CNTN5: variants seen among roughly 807,000 people sequenced by gnomAD.
The protein encoded by CNTN5 is contactin 5.
In CNTN5, 77 loss-of-function variants were observed where a neutral mutation model predicts 129.1. The observed-to-expected ratio is 0.60, with a 90% CI of 0.50 to 0.72. The LOEUF is 0.72. Among genes scored for constraint, CNTN5 ranks in the 30% least tolerant of loss-of-function variants. The probability of loss-of-function intolerance (pLI) is 0.00; values close to 1 mark genes in which losing one functional copy is unlikely to be tolerated. For synonymous variants in CNTN5, 509 were observed against 465.6 expected (o/e 1.09, Z -1.20); for missense variants, 1,478 against 1,328.8 (o/e 1.11, Z -1.75).
chr11:100,339,910 T>C (rs2139011257), intron 21 of CNTN5, among the ~76,000 whole-genome samples: 1 of 152,308 alleles, frequency 6.6e-6, no homozygotes, highest in South Asian at 2.1e-4. Flanking sequence ...TGTTCCTTTC[T>C]GCCTCCCTCC....
intron 1 of CNTN5, among the ~76,000 whole-genome samples, chr11:99,034,867 G>A (rs1157805709): frequency 1.3e-5 from 2 of 149,950 alleles, no homozygotes; most frequent in Non-Finnish European, 2.9e-5. Context: ...ATGTTAGGGT[G>A]TCAGTTTTAG....
chr11:99,523,648 ATAGAACAGAACAGAT>A (rs778572227), intron 2 of CNTN5, among the ~76,000 whole-genome samples: 1,500 of 66,752 alleles, frequency 0.022, 11 homozygotes, highest in East Asian at 0.053. Flanking sequence ...ATAGAATAGA[ATAGAACAGAACAGAT>A]CAGAACAGAA....
At chr11:99,577,742 T>G (rs1949405768) in intron 3 of CNTN5, among the ~76,000 whole-genome samples, 1 of 152,068 alleles carries the variant, frequency 6.6e-6, no homozygotes, top group Admixed American at 6.6e-5. Context: ...AGTTCTTTAG[T>G]TATTGCTTCT....
At chr11:100,216,704 G>A (rs1250666831) in intron 15 of CNTN5, among the ~76,000 whole-genome samples, 4 of 152,110 alleles carry the variant, frequency 2.6e-5, no homozygotes, top group Non-Finnish European at 4.4e-5. Context: ...AGATGCGGTT[G>A]ATGAAAACAG....
chr11:99,858,945 C>G (rs1948125062), intron 6 of CNTN5, among the ~76,000 whole-genome samples: 1 of 144,334 alleles, frequency 6.9e-6, no homozygotes. Flanking sequence ...TTCAAAAAAT[C>G]CTACAAATTA....
At chr11:100,011,639 C>A (rs1485581405) in intron 9 of CNTN5, among the ~76,000 whole-genome samples, 5 of 152,076 alleles carry the variant, frequency 3.3e-5, no homozygotes, top group Non-Finnish European at 7.4e-5. Context: ...TTTTTAGTTC[C>A]TGCTTATCTC....
Position 99,281,222 on chromosome 11 carries a change from A to G in CNTN5, c.-209-44124A>G, listed in dbSNP as rs141556831. ...AATAGAATGATCAGAGTTTTTATTT[A>G]ATATGTTTGTGGCTAGAAATTATCC... On this transcript the variant is annotated intron_variant, in intron 1 of 24. Transcript: ENST00000524871. Among the ~76,000 whole-genome samples the G allele has an allele frequency of 5.8e-3, 875 of 152,052 alleles. 3 individuals are homozygous for G. The highest frequency in any genetic ancestry group is 0.01 in the Admixed American group (158 of 15,198).
chr11:100,191,025 T>A, intron 13 of CNTN5, 101 bp from the exon 14 acceptor site: 1 of 690,490 alleles, frequency 1.4e-6, no homozygotes, highest in Non-Finnish European at 2.3e-6. Context: ...TTATCTTACT[T>A]ATTATCACCC....
intron 1 of CNTN5, among the ~76,000 whole-genome samples, chr11:99,263,515 CACAT>C (rs1862741730): frequency 1.3e-5 from 2 of 152,096 alleles, no homozygotes; most frequent in South Asian, 2.1e-4. Context: ...GATTATGAGA[CACAT>C]ACATTATAGT....
chr11:99,702,845 C>T lies in CNTN5; in HGVS notation c.56-116699C>T, dbSNP rs761941272. Among the ~76,000 whole-genome samples the T allele has an allele frequency of 2.0e-5, 3 of 150,962 alleles. No homozygotes were observed. In the South Asian group the frequency reaches 6.2e-4, roughly 31 times the overall value. On this transcript the variant is annotated intron_variant, in intron 3 of 24. Transcript: ENST00000524871. ...GTTTACTAAGGATAAAAGTAGGAAT[C>T]ATCTCTCCAGGAAAGAAGAAATACT...
intron 2 of CNTN5, among the ~76,000 whole-genome samples, chr11:99,378,264 G>A (rs148396042): frequency 3.3e-4 from 50 of 151,958 alleles, no homozygotes; most frequent in African/African-American, 9.2e-4. Context: ...TTCTATTTTC[G>A]TAAAGCTGTT....
At chr11:99,316,878 A>AGCCAGGCT (rs1202331136) in intron 1 of CNTN5, among the ~76,000 whole-genome samples, 2 of 152,188 alleles carry the variant, frequency 1.3e-5, no homozygotes, top group Non-Finnish European at 2.9e-5. Flanking sequence ...TCTGGCTGCC[A>AGCCAGGCT]GCCAGGCTGC....
chr11:99,572,217 G>C (rs1254779782), intron 3 of CNTN5, among the ~76,000 whole-genome samples: 2 of 152,216 alleles, frequency 1.3e-5, no homozygotes, highest in African/African-American at 4.8e-5. Flanking sequence ...AAGAAGAATT[G>C]TCTTGGGTCA....
intron 2 of CNTN5, among the ~76,000 whole-genome samples, chr11:99,336,843 A>G (rs1866247400): frequency 6.6e-6 from 1 of 152,154 alleles, no homozygotes; most frequent in Admixed American, 6.6e-5. Flanking sequence ...AAAAGAAAAA[A>G]AAAGAATAAG....
chr11:100,038,160 A>G (rs964097684), intron 9 of CNTN5, among the ~76,000 whole-genome samples: 3 of 152,036 alleles, frequency 2.0e-5, no homozygotes, highest in East Asian at 3.9e-4. Flanking sequence ...AGATTCTGGT[A>G]TGTTGTGTCT....
intron 2 of CNTN5, among the ~76,000 whole-genome samples, chr11:99,512,153 G>T (rs1027403819): frequency 6.6e-6 from 1 of 152,040 alleles, no homozygotes; most frequent in African/African-American, 2.4e-5. Context: ...CAACCCTGCC[G>T]CCTCCATTCA....
chr11:99,666,099 C>CT (rs1952781446), intron 3 of CNTN5, among the ~76,000 whole-genome samples: 1 of 151,996 alleles, frequency 6.6e-6, no homozygotes, highest in African/African-American at 2.4e-5. Context: ...TCCCCATTAG[C>CT]TAGAATTATA....
chr11:100,053,336 A>G (rs1031714383), intron 9 of CNTN5, among the ~76,000 whole-genome samples: 2 of 151,738 alleles, frequency 1.3e-5, no homozygotes, highest in Non-Finnish European at 3.0e-5. Context: ...AAATATGTGC[A>G]ATATATATTT....
chr11:99,978,171 GA>G (rs1322543031), intron 8 of CNTN5, among the ~76,000 whole-genome samples: 40 of 152,042 alleles, frequency 2.6e-4, no homozygotes, highest in African/African-American at 9.6e-4. Context: ...TTTAAAGATA[GA>G]AAAAAGCTTA....
Sources: gnomAD v4.1 joint callset for allele counts (sites outside exome capture counted in the v4.1 genomes callset) on GRCh38, gnomAD v4.1.1 for gene constraint, MANE v1.5 for transcripts, NCBI Gene and HGNC (gene_info 2026-07-23, HGNC 2026-07-21) for gene names.